LIMCH1: variants seen among roughly 807,000 people sequenced by gnomAD.
LIMCH1 encodes the protein LIM and calponin homology domains 1.
LIMCH1 carries 113 observed loss-of-function variants against 176.5 expected under a neutral mutation model. The observed-to-expected ratio is 0.64, with a 90% CI of 0.55 to 0.75. The LOEUF (loss-of-function observed/expected upper bound fraction) is 0.75, where lower values mean the gene tolerates loss of function less well. Among genes scored for constraint, LIMCH1 ranks in the 30% least tolerant of loss-of-function variants. LIMCH1 has a pLI of 0.00. For synonymous variants in LIMCH1, 619 were observed against 645.9 expected, an observed-to-expected ratio of 0.96 and a Z score of 0.63; for missense variants, 1,674 against 1,814.9, an observed-to-expected ratio of 0.92 and a Z score of 1.41.
chr4:41,620,404 C>G lies in LIMCH1; in HGVS notation c.459-20C>G, dbSNP rs1042038395. The G allele has an allele frequency of 5.6e-5, 85 of 1,531,514 alleles. No homozygotes were observed. Among genetic ancestry groups the G allele is most frequent in the Non-Finnish European group, 6.8e-5 (78 of 1,144,364 alleles). The allele number at this position is 1,531,514 out of a possible 1,614,324, so 94.9% of individuals were successfully genotyped here. On this transcript the variant is annotated intron_variant, in intron 6 of 31. Transcript: ENST00000503057. ...AGCCCAGTCTGTTAGTTTGGTAAAC[C>G]ATATTGTCCAACTCACTAGCTTTCC...
chr4:41,388,125 C>T (rs2154108285), intron 1 of LIMCH1, among the ~76,000 whole-genome samples: 1 of 152,192 alleles, frequency 6.6e-6, no homozygotes, highest in South Asian at 2.1e-4. Flanking sequence ...GTTAACTTAC[C>T]ACAGACCCAG....
chr4:41,452,030 G>A (rs935490579), intron 1 of LIMCH1, among the ~76,000 whole-genome samples: 1 of 152,030 alleles, frequency 6.6e-6, no homozygotes, highest in Non-Finnish European at 1.5e-5. Context: ...TTCTTCTCAG[G>A]ATCAAACAAC....
upstream of LIMCH1, among the ~76,000 whole-genome samples, chr4:41,534,698 A>G (rs915300603): frequency 6.7e-6 from 1 of 148,354 alleles, no homozygotes; most frequent in African/African-American, 2.5e-5. Context: ...AAATGAAGAC[A>G]TATTTTTTTT....
At chr4:41,415,407 C>T (rs971756687) in intron 1 of LIMCH1, among the ~76,000 whole-genome samples, 1 of 151,846 alleles carries the variant, frequency 6.6e-6, no homozygotes, top group Non-Finnish European at 1.5e-5. Flanking sequence ...CCTCTCTTGC[C>T]CCCTCCCCTC....
At chr4:41,426,584 T>C (rs56273903) in intron 1 of LIMCH1, among the ~76,000 whole-genome samples, 8,728 of 152,326 alleles carry the variant, frequency 0.057, 277 homozygotes, top group Middle Eastern at 0.11. Flanking sequence ...TATTTGAAGA[T>C]AGATTTGGAA....
At chr4:41,594,597 TCTTC>T in intron 1 of LIMCH1, among the ~76,000 whole-genome samples, 1 of 152,300 alleles carries the variant, frequency 6.6e-6, no homozygotes, top group Non-Finnish European at 1.5e-5. Context: ...GCTGGGTGGC[TCTTC>T]CTTCTGGCTT....
At chr4:41,410,889 C>T (rs980121187) in intron 1 of LIMCH1, among the ~76,000 whole-genome samples, 1 of 152,202 alleles carries the variant, frequency 6.6e-6, no homozygotes, top group East Asian at 1.9e-4. Flanking sequence ...GCTGACCTGG[C>T]CCTTACCTAA....
chr4:41,651,251 C>T (rs186454294), intron 18 of LIMCH1, among the ~76,000 whole-genome samples: 1 of 152,228 alleles, frequency 6.6e-6, no homozygotes, highest in East Asian at 1.9e-4. Context: ...GTGATCCACC[C>T]ACCTCAGCCT....
intron 15 of LIMCH1, among the ~76,000 whole-genome samples, chr4:41,645,355 A>ATGTC (rs2094013118): frequency 6.6e-6 from 1 of 152,244 alleles, no homozygotes; most frequent in Admixed American, 6.5e-5. Context: ...AGTAACAATT[A>ATGTC]TGTCTAAAGT....
At chr4:41,399,834 C>G (rs1401569784) in intron 1 of LIMCH1, among the ~76,000 whole-genome samples, 1 of 105,280 alleles carries the variant, frequency 9.5e-6, no homozygotes, top group African/African-American at 4.9e-5. Context: ...CCACCATGCC[C>G]GGCTAATTTT....
intron 3 of LIMCH1, among the ~76,000 whole-genome samples, chr4:41,527,573 C>T (rs1216355603): frequency 6.6e-6 from 1 of 152,160 alleles, no homozygotes; most frequent in Non-Finnish European, 1.5e-5. Flanking sequence ...TGGTGGCTCA[C>T]GCCTGTAATC....
chr4:41,609,668 A>G (rs1231916056), intron 4 of LIMCH1: 1 of 455,956 alleles, frequency 2.2e-6, no homozygotes, highest in Non-Finnish European at 4.4e-6. Context: ...GAGTAAAATA[A>G]TCCCAAAATT....
chr4:41,664,310 A>G (rs2094743760), intron 20 of LIMCH1, among the ~76,000 whole-genome samples: 1 of 152,154 alleles, frequency 6.6e-6, no homozygotes, highest in South Asian at 2.1e-4. Context: ...CTGTGCACCT[A>G]CTATGTCATG....
intron 2 of LIMCH1, chr4:41,524,366 C>T: frequency 6.8e-7 from 1 of 1,467,712 alleles, no homozygotes; most frequent in African/African-American, 1.4e-5. Context: ...TGTGATCCAT[C>T]TTGCTTTATG....
chr4:41,430,020 C>A (rs1035068345), intron 1 of LIMCH1, among the ~76,000 whole-genome samples: 1 of 152,120 alleles, frequency 6.6e-6, no homozygotes, highest in African/African-American at 2.4e-5. Context: ...GAAACACAAT[C>A]CTATAATGTT....
At chr4:41,520,836 T>C (rs2076047468) in intron 2 of LIMCH1, among the ~76,000 whole-genome samples, 1 of 152,172 alleles carries the variant, frequency 6.6e-6, no homozygotes, top group Admixed American at 6.5e-5. Flanking sequence ...TTCCAGAAAA[T>C]TCATCTTTTG....
At chr4:41,688,223 C>T (rs1430446139) in intron 29 of LIMCH1, among the ~76,000 whole-genome samples, 1 of 152,242 alleles carries the variant, frequency 6.6e-6, no homozygotes, top group South Asian at 2.1e-4. Flanking sequence ...GGCTCCAAAG[C>T]TGGCGCCTTT....
At chr4:41,603,795 A>G in intron 2 of LIMCH1, 80 bp from the exon 3 acceptor site, 2 of 921,314 alleles carry the variant, frequency 2.2e-6, no homozygotes, top group Non-Finnish European at 3.5e-6. Context: ...CTTCAAGTAC[A>G]TCTTAGTGGC....
chr4:41,616,379 A>G (rs2092075160), intron 5 of LIMCH1, among the ~76,000 whole-genome samples: 1 of 152,000 alleles, frequency 6.6e-6, no homozygotes, highest in South Asian at 2.1e-4. Context: ...AATACAAAAA[A>G]TTAGCTGGGC....
Sources: gnomAD v4.1 joint callset for allele counts (sites outside exome capture counted in the v4.1 genomes callset) on GRCh38, gnomAD v4.1.1 for gene constraint, MANE v1.5 for transcripts, NCBI Gene and HGNC (gene_info 2026-07-23, HGNC 2026-07-21) for gene names.